ALS2: variants seen among roughly 807,000 people sequenced by gnomAD.
The protein encoded by ALS2 is alsin Rho guanine nucleotide exchange factor ALS2.
In ALS2, 117 loss-of-function variants were observed where a neutral mutation model predicts 203.4. That is an observed-to-expected ratio of 0.58 (90% CI 0.50 to 0.67). The LOEUF (loss-of-function observed/expected upper bound fraction) is 0.67, where lower values mean the gene tolerates loss of function less well. ALS2 is among the 30% of genes least tolerant of loss of function. ALS2 has a pLI of 0.00. For synonymous variants in ALS2, 718 were observed against 725.9 expected, an observed-to-expected ratio of 0.99 and a Z score of 0.17; for missense variants, 1,715 against 1,989.4, an observed-to-expected ratio of 0.86 and a Z score of 2.62.
chr2:201,769,886 G>A (rs1694294819), intron 1 of ALS2, among the ~76,000 whole-genome samples: 1 of 152,142 alleles, frequency 6.6e-6, no homozygotes, highest in African/African-American at 2.4e-5. Flanking sequence ...TTTCCTCCAG[G>A]TTGCCTGTGA....
At position 201,718,068 on chromosome 2, in the gene ALS2, G is replaced by C. The variant is rs1690523335; in HGVS notation, c.3836+9C>G. ...AATAATTAATCCAGAATTAACACTA[G>C]TTACTCACAAAACTTTAGGTCTGTC... On this transcript the variant is annotated intron_variant, in intron 24 of 33. Coordinates refer to ENST00000264276, the MANE Select transcript of ALS2 (RefSeq NM_020919.4). 1 of 1,612,550 alleles carries C rather than the reference G, an allele frequency of 6.2e-7. No homozygotes were observed. Among genetic ancestry groups the C allele is most frequent in the African/African-American group, 1.3e-5 (1 of 74,880 alleles).
chr2:201,719,277 G>T (rs1029052285), intron 23 of ALS2, among the ~76,000 whole-genome samples: 15 of 152,172 alleles, frequency 9.9e-5, no homozygotes, highest in African/African-American at 3.6e-4. Context: ...GTGTCCTCAT[G>T]AATGGTGCAG....
In ALS2 at chr2:201,754,569, C is replaced by T; in HGVS notation, c.1574G>A (p.Arg525Lys). Residue 525 changes from arginine (R) to lysine (K), a missense_variant, in exon 6 of 34, where the codon AGA (arginine) becomes AAA (lysine). Transcript: ENST00000264276. ...TTTCCCCCAGGTCCACACTTCTGTTCTCAGAGAAGGCAGGAGCGCATCTGC... is the reference window on the plus strand; with the variant it reads ...TTTCCCCCAGGTCCACACTTCTGTTTTCAGAGAAGGCAGGAGCGCATCTGC... The part of the protein sequence containing the change: ...GEADALLPSL[R>K]TEVWTWGKGK... 1 of 1,614,126 alleles carries T rather than the reference C, an allele frequency of 6.2e-7. No individual in the cohort carries two copies. Among genetic ancestry groups the T allele is most frequent in the Non-Finnish European group, 8.5e-7 (1 of 1,180,008 alleles).
intron 7 of ALS2, 52 bp from the exon 8 acceptor site, chr2:201,749,841 C>T (rs1692921551): frequency 2.1e-6 from 3 of 1,402,802 alleles, no homozygotes; most frequent in South Asian, 1.2e-5. Context: ...TGATTTTGCA[C>T]ATCAACTCTG....
Position 201,746,765 on chromosome 2 carries a change from A to G in ALS2, c.1816-17T>C, listed in dbSNP as rs554649878. ...ACTGCTTATCTGCAACGACAGAAAG[A>G]TAGTGTCTGTCCAAGATAAAGGCAA... On this transcript the variant is annotated splice_polypyrimidine_tract_variant and intron_variant, in intron 8 of 33. Transcript: ENST00000264276. 31 of 1,613,690 alleles carry G rather than the reference A, an allele frequency of 1.9e-5. 1 individual carries two copies. In the South Asian group the frequency reaches 2.7e-4, roughly 14 times the overall value.
intron 31 of ALS2, 104 bp downstream of exon 31, chr2:201,705,035 T>C (rs924302544): frequency 1.1e-5 from 12 of 1,115,150 alleles, no homozygotes; most frequent in South Asian, 7.9e-5. Context: ...GCATATAGAA[T>C]GGGGATGCTT....
intron 11 of ALS2, among the ~76,000 whole-genome samples, chr2:201,740,344 C>T (rs931892309): frequency 1.3e-5 from 2 of 152,092 alleles, no homozygotes; most frequent in Admixed American, 6.6e-5. Context: ...AAGATTCATA[C>T]ATAAACCCAA....
chr2:201,725,920 C>A (rs1031984541), intron 19 of ALS2, among the ~76,000 whole-genome samples: 1 of 152,184 alleles, frequency 6.6e-6, no homozygotes, highest in Non-Finnish European at 1.5e-5. Flanking sequence ...ACCTACCCAA[C>A]ATTTTTTATA....
rs372772670 is a variant in ALS2 at position 201,738,804 on chromosome 2, T to A, written c.2352-69A>T. On this transcript the variant is annotated intron_variant, in intron 11 of 33. Transcript: ENST00000264276. ...ATTAGTTCTTCAGTTTCCAAACACA[T>A]ACCTGGAATAGATAATTCTTGATTA... The A allele has an allele frequency of 1.3e-5, 16 of 1,261,460 alleles. No homozygotes were observed. The African/African-American group carries it at 2.1e-4, about 16-fold the overall frequency. The allele number at this position is 1,261,460 out of a possible 1,614,324, so 78.1% of individuals were successfully genotyped here.
chr2:201,724,261 C>T lies in ALS2; in HGVS notation c.3512+34G>A, dbSNP rs202063711. On this transcript the variant is annotated intron_variant, in intron 21 of 33. Coordinates refer to ENST00000264276, the MANE Select transcript of ALS2 (RefSeq NM_020919.4). The stretch of plus-strand genomic sequence containing the variant: ...AATAATGATGGTGCTTAATCATTGG[C>T]TTAAACTGTGGGAATAGAAGGAGAA... 6.3e-6 allele frequency: 10 copies of T among 1,597,658 alleles called. No individual in the cohort carries two copies. The African/African-American group carries it at 8.1e-5, about 13-fold the overall frequency.
chr2:201,764,083 A>G (rs921610047), intron 3 of ALS2, among the ~76,000 whole-genome samples: 1 of 152,188 alleles, frequency 6.6e-6, no homozygotes, highest in Admixed American at 6.5e-5. Context: ...ATAAGTAAGG[A>G]CTCAATAGTG....
intron 1 of ALS2, among the ~76,000 whole-genome samples, chr2:201,775,014 G>A (rs1459900258): frequency 6.6e-6 from 1 of 151,994 alleles, no homozygotes; most frequent in Non-Finnish European, 1.5e-5. Context: ...AGCAAAACTG[G>A]GCCTTCCTAG....
chr2:201,760,828 C>T (rs1693715439), intron 4 of ALS2, 53 bp downstream of exon 4: 2 of 1,559,828 alleles, frequency 1.3e-6, no homozygotes, highest in African/African-American at 1.4e-5. Flanking sequence ...TAAAGAAAAG[C>T]CCATACAGTT....
chr2:201,777,963 T>C (rs116142227), intron 1 of ALS2, among the ~76,000 whole-genome samples: 1,650 of 152,306 alleles, frequency 0.011, 23 homozygotes, highest in African/African-American at 0.035. Context: ...ATCTTTACAG[T>C]TGGATTGCTC....
intron 3 of ALS2, chr2:201,765,848 G>A (rs1490591591): frequency 2.4e-5 from 4 of 167,032 alleles, no homozygotes; most frequent in South Asian, 4.1e-4. Flanking sequence ...AAATTATATT[G>A]AGAAAGTTCA....
chr2:201,729,965 G>A (rs192531671), intron 13 of ALS2, among the ~76,000 whole-genome samples: 4 of 151,354 alleles, frequency 2.6e-5, no homozygotes, highest in Admixed American at 2.6e-4. Flanking sequence ...TTATTATCTG[G>A]CTTTAAAAAT....
chr2:201,733,231 T>C, intron 13 of ALS2, 45 bp downstream of exon 13: 1 of 1,600,604 alleles, frequency 6.2e-7, no homozygotes, highest in East Asian at 2.2e-5. Flanking sequence ...ACAACTATGA[T>C]CCTTGGCTTT....
intron 1 of ALS2, among the ~76,000 whole-genome samples, chr2:201,772,754 G>C (rs1218593899): frequency 1.3e-5 from 2 of 151,282 alleles, no homozygotes; most frequent in Non-Finnish European, 2.9e-5. Flanking sequence ...TACTTAACTT[G>C]GTTTCTTTTA....
At chr2:201,736,498 A>G (rs1272855582) in intron 12 of ALS2, among the ~76,000 whole-genome samples, 1 of 152,194 alleles carries the variant, frequency 6.6e-6, no homozygotes, top group Non-Finnish European at 1.5e-5. Flanking sequence ...AAATGGCTAC[A>G]TTAGAAAAAT....
Sources: gnomAD v4.1 joint callset for allele counts (sites outside exome capture counted in the v4.1 genomes callset) on GRCh38, gnomAD v4.1.1 for gene constraint, MANE v1.5 for transcripts, NCBI Gene and HGNC (gene_info 2026-07-23, HGNC 2026-07-21) for gene names.